Variants in PRRX1 observed in about 807,000 individuals in gnomAD.
PRRX1 encodes paired mesoderm homeobox protein 1.
PRRX1 carries 8 observed loss-of-function variants against 24.0 expected under a neutral mutation model. The ratio of observed to expected loss-of-function variants is 0.33; its 90% CI spans 0.20 to 0.60. The LOEUF is 0.60. Ranked by LOEUF, PRRX1 falls within the 20% of genes least tolerant of loss-of-function variation. PRRX1 has a pLI of 0.82. For missense variants in PRRX1, 281 were observed against 322.4 expected (o/e 0.87, Z 0.98); for synonymous variants, 160 against 131.7 (o/e 1.22, Z -1.47).
intron 1 of PRRX1, among the ~76,000 whole-genome samples, chr1:170,705,585 G>A (rs1359766142): frequency 6.6e-6 from 1 of 152,108 alleles, no homozygotes; most frequent in African/African-American, 2.4e-5. Context: ...TCCTGGCCCT[G>A]AAATATCTAT....
rs556547845 is a variant in PRRX1 at position 170,709,486 on chromosome 1, A to G, written c.242-10240A>G. ...CTTCAGGTATGACAAAGAGAGGCCCATGCAGTGTTTTCTAACCTTGCACTC... is the reference window on the plus strand; with the variant it reads ...CTTCAGGTATGACAAAGAGAGGCCCGTGCAGTGTTTTCTAACCTTGCACTC... On this transcript the variant is annotated intron_variant, in intron 1 of 3. Transcript: ENST00000239461. Among the ~76,000 whole-genome samples, 4 of 152,264 alleles carry G rather than the reference A, an allele frequency of 2.6e-5. No individual in the cohort carries two copies. The South Asian group carries it at 6.2e-4, about 24-fold the overall frequency.
At chr1:170,682,073 T>A (rs1041869011) in intron 1 of PRRX1, among the ~76,000 whole-genome samples, 7 of 152,146 alleles carry the variant, frequency 4.6e-5, no homozygotes, top group African/African-American at 1.7e-4. Flanking sequence ...GGTGATACAG[T>A]TGAACTGTAG....
At chr1:170,730,599 A>G in intron 3 of PRRX1, 1 of 438,826 alleles carries the variant, frequency 2.3e-6, no homozygotes, top group Non-Finnish European at 4.1e-6. Flanking sequence ...GTGACTGTGC[A>G]AACTCTGATT....
intron 1 of PRRX1, among the ~76,000 whole-genome samples, chr1:170,692,936 C>G (rs906314909): frequency 6.6e-6 from 1 of 152,070 alleles, no homozygotes; most frequent in African/African-American, 2.4e-5. Flanking sequence ...ATTTTGACAG[C>G]CTTATTGCTT....
intron 1 of PRRX1, among the ~76,000 whole-genome samples, chr1:170,684,073 G>C (rs915535856): frequency 6.6e-6 from 1 of 152,174 alleles, no homozygotes; most frequent in African/African-American, 2.4e-5. Context: ...TGGCGAGATG[G>C]ATCTAAAATT....
In PRRX1 at chr1:170,736,544, CTATATATA is replaced by C. The variant is rs61148079; in HGVS notation, c.*378_*385del. The C allele has an allele frequency of 0.025, 5,653 of 223,498 alleles. No homozygotes were observed. The highest frequency in any genetic ancestry group is 0.039 in the Middle Eastern group (24 of 612). 13.8% of individuals were successfully genotyped at this position (223,498 alleles called of 1,614,324 possible). A position where few individuals can be genotyped will look rare whatever the true frequency, so the allele number is the denominator to read the frequency against. On this transcript the variant is annotated 3_prime_UTR_variant, in exon 4 of 4. Coordinates refer to ENST00000239461, the MANE Select transcript of PRRX1 (RefSeq NM_022716.4). ...AAAAAAACTACAGCAGCCAAAGAAACTATATATATATATATATATATATATATCCAGAA... is the reference window on the plus strand; with the variant it reads ...AAAAAAACTACAGCAGCCAAAGAAACTATATATATATATATATATCCAGAA...
chr1:170,664,509 G>T, intron 1 of PRRX1, 50 bp downstream of exon 1: 1 of 1,559,644 alleles, frequency 6.4e-7, no homozygotes, highest in East Asian at 2.4e-5. Flanking sequence ...GACAGAGGGC[G>T]GGGACCCGTG....
chr1:170,734,621 C>T (rs189083646), intron 3 of PRRX1, among the ~76,000 whole-genome samples: 1 of 151,796 alleles, frequency 6.6e-6, no homozygotes, highest in East Asian at 1.9e-4. Flanking sequence ...CCTTTTGAAA[C>T]CTTTCTGAGT....
intron 1 of PRRX1, among the ~76,000 whole-genome samples, chr1:170,705,574 C>T (rs1654530121): frequency 6.6e-6 from 1 of 152,148 alleles, no homozygotes; most frequent in Non-Finnish European, 1.5e-5. Flanking sequence ...TAAGCCACCT[C>T]TCCTGGCCCT....
At chr1:170,706,063 G>A (rs1326958837) in intron 1 of PRRX1, among the ~76,000 whole-genome samples, 1 of 151,734 alleles carries the variant, frequency 6.6e-6, no homozygotes, top group African/African-American at 2.4e-5. Flanking sequence ...GTTTTCTTTG[G>A]TCTCTTGTTA....
chr1:170,682,935 G>C (rs544165633), intron 1 of PRRX1, among the ~76,000 whole-genome samples: 6 of 152,336 alleles, frequency 3.9e-5, no homozygotes, highest in Middle Eastern at 6.8e-3. Context: ...AAGTGCAAAG[G>C]CCCTGAGGCA....
chr1:170,674,460 A>C (rs925724070), intron 1 of PRRX1, among the ~76,000 whole-genome samples: 2 of 152,220 alleles, frequency 1.3e-5, no homozygotes, highest in African/African-American at 4.8e-5. Flanking sequence ...CCTCCTTGCG[A>C]AACCTTCTCT....
In PRRX1 at chr1:170,695,112, C is replaced by T. The variant is rs75143924; in HGVS notation, c.242-24614C>T. 5.5e-3 allele frequency among the ~76,000 whole-genome samples: 830 copies of T among 152,252 alleles called. 5 individuals are homozygous for T. The highest frequency in any genetic ancestry group is 0.019 in the African/African-American group (770 of 41,554). On this transcript the variant is annotated intron_variant, in intron 1 of 3. Transcript: ENST00000239461. ...TAAATGTCCGTGAAGGCCTGATTTG[C>T]AAGATATCCGATGTTGTTATGATTA...
At chr1:170,695,500 G>T (rs1480119492) in intron 1 of PRRX1, among the ~76,000 whole-genome samples, 2 of 152,126 alleles carry the variant, frequency 1.3e-5, no homozygotes, top group African/African-American at 4.8e-5. Flanking sequence ...ATTGTCCAGG[G>T]GTAGAAAGGC....
intron 1 of PRRX1, among the ~76,000 whole-genome samples, chr1:170,710,368 T>A (rs1654708278): frequency 6.6e-6 from 1 of 152,182 alleles, no homozygotes; most frequent in Non-Finnish European, 1.5e-5. Context: ...AACTTACAAT[T>A]ATGCCAGTTA....
At chr1:170,675,989 A>T (rs1653308140) in intron 1 of PRRX1, among the ~76,000 whole-genome samples, 1 of 152,222 alleles carries the variant, frequency 6.6e-6, no homozygotes, top group Non-Finnish European at 1.5e-5. Flanking sequence ...TTTCTAAGAG[A>T]GGAAAGAAAG....
chr1:170,681,489 CT>C (rs1558046517), intron 1 of PRRX1, among the ~76,000 whole-genome samples: 1 of 122,052 alleles, frequency 8.2e-6, no homozygotes, highest in Non-Finnish European at 1.7e-5. Flanking sequence ...AAAATGTTAT[CT>C]TTGCAAAAAA....
intron 1 of PRRX1, among the ~76,000 whole-genome samples, chr1:170,693,188 T>G (rs937892435): frequency 1.3e-5 from 2 of 152,116 alleles, no homozygotes; most frequent in African/African-American, 4.8e-5. Flanking sequence ...TTATTACTAC[T>G]AATTACAGGG....
intron 1 of PRRX1, among the ~76,000 whole-genome samples, chr1:170,718,889 C>T (rs1654994051): frequency 6.6e-6 from 1 of 152,186 alleles, no homozygotes; most frequent in Admixed American, 6.5e-5. Context: ...CACCACGCTA[C>T]CTTCAGGGGA....
Sources: allele counts gnomAD v4.1 joint callset (sites outside exome capture counted in the v4.1 genomes callset), GRCh38; gene constraint gnomAD v4.1.1; transcripts MANE v1.5; gene names NCBI Gene and HGNC (gene_info 2026-07-23, HGNC 2026-07-21).